The following ILKAP variants were observed in gnomAD, a reference collection of about 807,000 sequenced individuals.
ILKAP encodes ILK associated serine/threonine phosphatase, also known as integrin-linked kinase-associated serine/threonine phosphatase 2C.
A neutral mutation model predicts 49.1 loss-of-function variants in ILKAP; 11 were observed. The ratio of observed to expected loss-of-function variants is 0.22; its 90% CI spans 0.14 to 0.37. ILKAP has a LOEUF of 0.37. ILKAP is among the 10% of genes least tolerant of loss of function. The pLI is 1.00. For synonymous variants in ILKAP, 186 were observed against 192.8 expected (o/e 0.96, Z 0.29); for missense variants, 363 against 510.8 (o/e 0.71, Z 2.79).
rs752999087 is a variant in ILKAP at position 238,188,288 on chromosome 2, A to G, written c.299-31T>C. 2.2e-5 allele frequency: 35 copies of G among 1,607,506 alleles called. No homozygotes were observed. In the South Asian group the frequency reaches 3.8e-4, roughly 17 times the overall value. On this transcript the variant is annotated intron_variant, in intron 4 of 11. Coordinates refer to ENST00000254654, the MANE Select transcript of ILKAP (RefSeq NM_030768.3). ...GAAAAGAGAACAAAAGAGCCAATAC[A>G]AAACTGTGCCCAACCCTCTGGAAAC...
chr2:238,183,284 T>G (rs970071750), intron 8 of ILKAP, among the ~76,000 whole-genome samples: 4 of 152,214 alleles, frequency 2.6e-5, no homozygotes, highest in African/African-American at 9.7e-5. Context: ...AAGCTTTTCA[T>G]TCATTACTGT....
rs193236648 is a variant in ILKAP at position 238,198,431 on chromosome 2, G to T, written c.56-3561C>A. On this transcript the variant is annotated intron_variant, in intron 1 of 11. Transcript: ENST00000254654. ...TTTTTTAACTTTTTGTAGAGACGGG[G>T]TCTCACTATGTTGCCCAGGTTGGTC... Among the ~76,000 whole-genome samples, 13 of 152,056 alleles carry T rather than the reference G, an allele frequency of 8.5e-5. No homozygotes were observed. The East Asian group carries it at 2.3e-3, about 27-fold the overall frequency.
chr2:238,187,406 A>G (rs940648390), intron 5 of ILKAP, among the ~76,000 whole-genome samples: 2 of 152,180 alleles, frequency 1.3e-5, no homozygotes, highest in African/African-American at 4.8e-5. Flanking sequence ...GTGTCAGTAA[A>G]GGTACGTAAT....
At chr2:238,190,144 G>A (rs905370810) in intron 3 of ILKAP, among the ~76,000 whole-genome samples, 172 bp from the exon 4 acceptor site, 5 of 152,168 alleles carry the variant, frequency 3.3e-5, no homozygotes, top group Admixed American at 6.6e-5. Flanking sequence ...AGGGGGAGGG[G>A]GGTCCCACAG....
Position 238,183,679 on chromosome 2 carries a change from A to G in ILKAP, c.688T>C (p.Tyr230His). ...CGACTATCTCCGAGGTTGGCAATAT[A>G]AAGAATGTTGTCTACAGCCAGAACA... ...TCVLAVDNIL[Y>H]IANLGDSRAI... Residue 230 changes from tyrosine to histidine, a missense_variant, in exon 8 of 12, where the codon TAT becomes CAT. Transcript: ENST00000254654. 6.2e-7 allele frequency: 1 copy of G among 1,613,242 alleles called. No individual in the cohort carries two copies. Among genetic ancestry groups the G allele is most frequent in the Non-Finnish European group, 8.5e-7 (1 of 1,179,788 alleles).
chr2:238,176,410 C>T (rs1203758390), intron 9 of ILKAP, among the ~76,000 whole-genome samples: 6 of 152,176 alleles, frequency 3.9e-5, no homozygotes, highest in Admixed American at 3.3e-4. Flanking sequence ...GGATTACAGG[C>T]GTGAGCCACC....
chr2:238,190,214 T>C (rs1694065569), intron 3 of ILKAP, among the ~76,000 whole-genome samples: 1 of 152,166 alleles, frequency 6.6e-6, no homozygotes, highest in Non-Finnish European at 1.5e-5. Context: ...TGAAGGGGTT[T>C]GTAAAAGACT....
At chr2:238,185,994 C>T (rs1182705808) in intron 5 of ILKAP, 2 of 152,156 alleles carry the variant, frequency 1.3e-5, no homozygotes, top group African/African-American at 4.8e-5. Flanking sequence ...TCACTGACAA[C>T]AAAACTAAAA....
chr2:238,196,086 CTTTTTTTTTTT>C (rs34504570), intron 1 of ILKAP, among the ~76,000 whole-genome samples: 31 of 77,472 alleles, frequency 4.0e-4, no homozygotes, highest in East Asian at 4.0e-4. Flanking sequence ...AACCAATTCA[CTTTTTTTTTTT>C]TTTTTTTTTT....
At chr2:238,171,066 C>A in intron 10 of ILKAP, 42 bp from the exon 11 acceptor site, 3 of 1,378,124 alleles carry the variant, frequency 2.2e-6, no homozygotes, top group Non-Finnish European at 3.0e-6. Flanking sequence ...TTAGGCCCAA[C>A]CAAAAAATAA....
In ILKAP at chr2:238,189,985, T is replaced by G. The variant is rs201790560; in HGVS notation, c.179-13A>C. ...GTGGCAAGAGAACCTGGAAATAAAG[T>G]AAAAGCCAGACAGAAACACAGCTGT... On this transcript the variant is annotated splice_polypyrimidine_tract_variant and intron_variant, in intron 3 of 11. Transcript: ENST00000254654. 1 of 1,613,304 alleles carries G rather than the reference T, an allele frequency of 6.2e-7. No homozygotes were observed. The highest frequency in any genetic ancestry group is 2.2e-5 in the East Asian group (1 of 44,858).
chr2:238,174,075 G>A (rs1420419383), intron 9 of ILKAP: 6 of 174,124 alleles, frequency 3.4e-5, no homozygotes, highest in African/African-American at 1.4e-4. Context: ...AGCTAGAACA[G>A]AGGGATATTT....
At chr2:238,192,326 G>C (rs1423491165) in intron 3 of ILKAP, among the ~76,000 whole-genome samples, 1 of 152,222 alleles carries the variant, frequency 6.6e-6, no homozygotes, top group Non-Finnish European at 1.5e-5. Context: ...AATGTAGTCT[G>C]TACAAGAAAC....
intron 6 of ILKAP, among the ~76,000 whole-genome samples, chr2:238,184,338 C>T (rs1442008508): frequency 2.6e-5 from 4 of 151,958 alleles, no homozygotes; most frequent in African/African-American, 4.8e-5. Context: ...TACAGGCGCG[C>T]GCAACCATGC....
rs1361320299 is a variant in ILKAP, at chr2:238,190,933, A to G, written c.179-961T>C. On this transcript the variant is annotated intron_variant, in intron 3 of 11. Transcript: ENST00000254654. ...ATGCAAGTACTTATTTACTTACTCA[A>G]CCTACTCTTTGCCAGACATTTCTTC... 1.0e-4 allele frequency among the ~76,000 whole-genome samples: 15 copies of G among 149,392 alleles called. No individual in the cohort carries two copies. The East Asian group carries it at 3.0e-3, about 30-fold the overall frequency.
rs143967497 is a variant in ILKAP at position 238,170,575 on chromosome 2, G to A, written c.1140C>T (p.Ala380=). Residue 380 remains alanine (A), a synonymous_variant, in exon 12 of 12, where the codon GCC becomes GCT. Transcript: ENST00000254654. ...LANKAVQRGS[A]DNVTVMVVRI... ...GCACCACCATCACAGTGACGTTGTC[G>A]GCCGAGCCCCGCTGCACCGCCTTGT... 6.0e-5 allele frequency: 97 copies of A among 1,606,804 alleles called. No homozygotes were observed. The highest frequency in any genetic ancestry group is 1.6e-4 in the African/African-American group (12 of 74,778).
intron 9 of ILKAP, among the ~76,000 whole-genome samples, chr2:238,174,755 T>A (rs959591507): frequency 6.6e-6 from 1 of 152,102 alleles, no homozygotes; most frequent in Non-Finnish European, 1.5e-5. Flanking sequence ...AACTGTTAAA[T>A]AGCAAGAGGA....
At position 238,183,698 on chromosome 2, in the gene ILKAP, C is replaced by G. The variant is rs1693787205; in HGVS notation, c.669G>C (p.Leu223=). The change falls in exon 8 of 12, where the codon CTG becomes CTC. Residue 223 remains leucine (L), a synonymous_variant. Coordinates refer to ENST00000254654, the MANE Select transcript of ILKAP (RefSeq NM_030768.3). ...CAATATAAAGAATGTTGTCTACAGCCAGAACACACGTGGCAGTGGACCCAT... is the reference window on the plus strand; with the variant it reads ...CAATATAAAGAATGTTGTCTACAGCGAGAACACACGTGGCAGTGGACCCAT... The part of the protein sequence containing the change: ...WKDGSTATCV[L]AVDNILYIAN... The G allele has an allele frequency of 1.2e-6, 2 of 1,613,326 alleles. No homozygotes were observed. The highest frequency in any genetic ancestry group is 2.7e-5 in the African/African-American group (2 of 74,898).
At chr2:238,195,018 CAT>C in intron 1 of ILKAP, 148 bp from the exon 2 acceptor site, 1 of 617,752 alleles carries the variant, frequency 1.6e-6, no homozygotes, top group East Asian at 2.7e-5. Flanking sequence ...ATTTTTAAAA[CAT>C]ATTTTCTTAA....
Sources: allele counts gnomAD v4.1 joint callset (sites outside exome capture counted in the v4.1 genomes callset), GRCh38; gene constraint gnomAD v4.1.1; transcripts MANE v1.5; gene names NCBI Gene and HGNC (gene_info 2026-07-23, HGNC 2026-07-21).